TEK: variants seen among roughly 807,000 people sequenced by gnomAD.
TEK encodes the protein TEK receptor tyrosine kinase, also known as angiopoietin-1 receptor.
Under a neutral mutation model 131.8 loss-of-function variants are expected in TEK, and 43 were observed. The observed-to-expected ratio is 0.33, with a 90% CI of 0.26 to 0.42. The LOEUF (loss-of-function observed/expected upper bound fraction) is 0.42. Among genes scored for constraint, TEK ranks in the 10% least tolerant of loss-of-function variants. The probability of loss-of-function intolerance (pLI) is 1.00; values close to 1 mark genes in which losing one functional copy is unlikely to be tolerated. For synonymous variants in TEK, 580 were observed against 491.6 expected, an observed-to-expected ratio of 1.18 and a Z score of -2.38; for missense variants, 1,162 against 1,384.4, an observed-to-expected ratio of 0.84 and a Z score of 2.55.
chr9:27,190,771 C>T (rs1051201044), intron 10 of TEK, 81 bp downstream of exon 10: 5 of 1,561,912 alleles, frequency 3.2e-6, no homozygotes, highest in South Asian at 1.1e-5. Flanking sequence ...AAATTCCCTT[C>T]TCCCTGCCTC....
chr9:27,132,064 G>A (rs1822247192), intron 1 of TEK, among the ~76,000 whole-genome samples: 1 of 151,446 alleles, frequency 6.6e-6, no homozygotes. Flanking sequence ...TGTGGTTTTG[G>A]AGACATCTTT....
intron 22 of TEK, 138 bp downstream of exon 22, chr9:27,228,443 C>A: frequency 1.4e-6 from 1 of 703,406 alleles, no homozygotes; most frequent in South Asian, 1.6e-5. Flanking sequence ...GGATGTCCCT[C>A]CACCCCCGCG....
intron 16 of TEK, among the ~76,000 whole-genome samples, chr9:27,212,006 AG>A (rs1564101842): frequency 9.2e-5 from 13 of 140,814 alleles, no homozygotes; most frequent in African/African-American, 2.6e-4. Flanking sequence ...AAAAAAAAAG[AG>A]AGAGAGAAAT....
At chr9:27,130,869 G>A (rs1199952232) in intron 1 of TEK, among the ~76,000 whole-genome samples, 5 of 151,292 alleles carry the variant, frequency 3.3e-5, no homozygotes, top group Non-Finnish European at 5.9e-5. Flanking sequence ...CCCGGCCAAA[G>A]TACTTTAAAA....
chr9:27,134,769 T>G (rs1822355256), intron 1 of TEK, among the ~76,000 whole-genome samples: 1 of 152,108 alleles, frequency 6.6e-6, no homozygotes, highest in Admixed American at 6.6e-5. Context: ...CTACTAGAAG[T>G]CAAGTCCATT....
At chr9:27,198,961 CTTT>C (rs895815544) in intron 12 of TEK, among the ~76,000 whole-genome samples, 2 of 152,118 alleles carry the variant, frequency 1.3e-5, no homozygotes, top group East Asian at 3.9e-4. Context: ...CCACACCTGA[CTTT>C]TTTTAAAAAT....
intron 1 of TEK, among the ~76,000 whole-genome samples, chr9:27,150,124 C>T (rs898346019): frequency 5.9e-5 from 9 of 152,144 alleles, no homozygotes; most frequent in African/African-American, 2.2e-4. Context: ...ATTCTCCAGG[C>T]GCCCTCCTGC....
chr9:27,219,420 A>G (rs1433333862), intron 20 of TEK, among the ~76,000 whole-genome samples: 1 of 152,156 alleles, frequency 6.6e-6, no homozygotes, highest in Non-Finnish European at 1.5e-5. Context: ...TGTCACTCAT[A>G]AGTGGGGGTT....
At chr9:27,190,455 TTCTACC>T in intron 9 of TEK, 68 bp from the exon 10 acceptor site, 1 of 1,582,372 alleles carries the variant, frequency 6.3e-7, no homozygotes, top group African/African-American at 1.4e-5. Context: ...AAAACATATC[TTCTACC>T]TCTACCTAAG....
At chr9:27,185,722 A>T in intron 9 of TEK, 93 bp downstream of exon 9, 1 of 1,518,038 alleles carries the variant, frequency 6.6e-7, no homozygotes, top group South Asian at 1.2e-5. Flanking sequence ...GACCACTAAA[A>T]TACCTTTGGG....
intron 16 of TEK, among the ~76,000 whole-genome samples, chr9:27,209,973 C>T (rs1025608912): frequency 6.6e-6 from 1 of 152,168 alleles, no homozygotes; most frequent in African/African-American, 2.4e-5. Flanking sequence ...GAAAAGTTTG[C>T]TCCCACAAAA....
chr9:27,133,431 G>A lies in TEK; in HGVS notation c.52+23789G>A, dbSNP rs117211034. Among the ~76,000 whole-genome samples, 125 of 152,242 alleles carry A rather than the reference G, an allele frequency of 8.2e-4. 1 individual carries two copies. The East Asian group carries it at 0.019, about 23-fold the overall frequency. ...CTTATGAGCCTTAAGAGCCACAGTCGGCTGAGTTTGAGTCAGGTGAAGCCT... is the reference window on the plus strand; with the variant it reads ...CTTATGAGCCTTAAGAGCCACAGTCAGCTGAGTTTGAGTCAGGTGAAGCCT... On this transcript the variant is annotated intron_variant, in intron 1 of 22. Transcript: ENST00000380036.
chr9:27,124,648 C>T (rs1160187353), intron 1 of TEK, among the ~76,000 whole-genome samples: 1 of 152,220 alleles, frequency 6.6e-6, no homozygotes, highest in African/African-American at 2.4e-5. Flanking sequence ...ATTATAACAA[C>T]TACTAGCTTT....
intron 1 of TEK, among the ~76,000 whole-genome samples, chr9:27,130,740 C>G (rs1822181135): frequency 6.6e-6 from 1 of 151,292 alleles, no homozygotes; most frequent in Non-Finnish European, 1.5e-5. Context: ...CCACGCCTGG[C>G]TAATTTTTGT....
chr9:27,163,214 T>C (rs1823608724), intron 2 of TEK, among the ~76,000 whole-genome samples: 1 of 152,190 alleles, frequency 6.6e-6, no homozygotes, highest in African/African-American at 2.4e-5. Context: ...CTAGTGAGTG[T>C]TGGATCTGGG....
At chr9:27,182,485 TCTC>T (rs1281907162) in intron 7 of TEK, among the ~76,000 whole-genome samples, 1 of 152,168 alleles carries the variant, frequency 6.6e-6, no homozygotes, top group Non-Finnish European at 1.5e-5. Flanking sequence ...CTCTTTCCCT[TCTC>T]CTCCACACCT....
intron 1 of TEK, among the ~76,000 whole-genome samples, chr9:27,137,993 A>C (rs1029377213): frequency 1.3e-5 from 2 of 151,836 alleles, no homozygotes; most frequent in African/African-American, 4.8e-5. Context: ...GGTCTCGCTG[A>C]CTTCAGGAGT....
Position 27,202,816 on chromosome 9 carries a change from C to T in TEK, c.1910-4C>T. 6.2e-7 allele frequency: 1 copy of T among 1,613,834 alleles called. No homozygotes were observed. The highest frequency in any genetic ancestry group is 8.5e-7 in the Non-Finnish European group (1 of 1,179,784). ...AGTGAATCTTTTTTCTTTTTAATTT[C>T]TAGTTCTTCCTCCTCAACCAGAAAA... is the stretch of plus-strand genomic sequence containing the variant. On this transcript the variant is annotated splice_polypyrimidine_tract_variant and splice_region_variant and intron_variant, in intron 12 of 22. Coordinates refer to ENST00000380036, the MANE Select transcript of TEK (RefSeq NM_000459.5).
intron 1 of TEK, among the ~76,000 whole-genome samples, chr9:27,121,764 G>A (rs1249925447): frequency 6.6e-6 from 1 of 152,158 alleles, no homozygotes; most frequent in African/African-American, 2.4e-5. Context: ...TCACAAAAGT[G>A]ATCCATGAAT....
Sources: allele counts gnomAD v4.1 joint callset (sites outside exome capture counted in the v4.1 genomes callset), GRCh38; gene constraint gnomAD v4.1.1; transcripts MANE v1.5; gene names NCBI Gene and HGNC (gene_info 2026-07-23, HGNC 2026-07-21).